RAD51B: variants seen among roughly 807,000 people sequenced by gnomAD.
RAD51B encodes the protein RAD51 paralog B.
RAD51B carries 38 observed loss-of-function variants against 42.2 expected under a neutral mutation model. That is an observed-to-expected ratio of 0.90 (90% confidence interval 0.70 to 1.18). RAD51B has a LOEUF of 1.18. Ranked by LOEUF, RAD51B falls within the 50% of genes most tolerant of loss-of-function variation. The probability of loss-of-function intolerance (pLI) is 0.00; values close to 1 mark genes in which losing one functional copy is unlikely to be tolerated. For missense variants in RAD51B, 373 were observed against 400.7 expected, an observed-to-expected ratio of 0.93 and a Z score of 0.59; for synonymous variants, 154 against 145.2, an observed-to-expected ratio of 1.06 and a Z score of -0.43.
chr14:68,661,307 G>A (rs1438623614), intron 11 of RAD51B, among the ~76,000 whole-genome samples: 1 of 152,206 alleles, frequency 6.6e-6, no homozygotes, highest in Non-Finnish European at 1.5e-5. Context: ...CAGAACAGGA[G>A]ACAGACCAGA....
At chr14:68,258,097 A>G (rs1328125236) in intron 7 of RAD51B, among the ~76,000 whole-genome samples, 1 of 152,134 alleles carries the variant, frequency 6.6e-6, no homozygotes, top group Non-Finnish European at 1.5e-5. Context: ...CAGAAACATA[A>G]GTGAGCTGTG....
At chr14:68,571,960 G>A (rs534301639) in intron 10 of RAD51B, among the ~76,000 whole-genome samples, 5 of 152,136 alleles carry the variant, frequency 3.3e-5, no homozygotes, top group Non-Finnish European at 7.4e-5. Context: ...AGTGGACATC[G>A]ATTTTATTTC....
intron 7 of RAD51B, among the ~76,000 whole-genome samples, chr14:67,940,042 ATATATATATATATTTTTTTTTTTTTTTT>A (rs1566969177): frequency 2.4e-4 from 3 of 12,380 alleles, no homozygotes; most frequent in Non-Finnish European, 6.8e-4. Flanking sequence ...ATATATATAT[ATATATATATATATTTTTTTTTTTTTTTT>A]TTTTTTTTTT....
At chr14:68,131,473 A>G (rs1314295597) in intron 7 of RAD51B, among the ~76,000 whole-genome samples, 1 of 152,174 alleles carries the variant, frequency 6.6e-6, no homozygotes, top group African/African-American at 2.4e-5. Context: ...AGGCAGGCTG[A>G]TCACCTGAGG....
rs28716846 is a variant in RAD51B at position 68,122,964 on chromosome 14, C to T, written c.757-168920C>T. 1.8e-4 allele frequency among the ~76,000 whole-genome samples: 28 copies of T among 151,616 alleles called. 1 individual carries two copies. Among genetic ancestry groups the T allele is most frequent in the Admixed American group, 1.2e-3 (19 of 15,238 alleles). On this transcript the variant is annotated intron_variant, in intron 7 of 10. Transcript: ENST00000471583. ...TGCTCTCCTTTGTATAAAACAAACA[C>T]ACACACACACACACACAGACACACA...
chr14:68,423,464 T>C (rs2084759340), intron 9 of RAD51B, among the ~76,000 whole-genome samples: 2 of 152,224 alleles, frequency 1.3e-5, no homozygotes, highest in Admixed American at 1.3e-4. Flanking sequence ...AGGTGGGTAT[T>C]ACTAGATATA....
chr14:67,950,356 T>C (rs8016525), intron 7 of RAD51B, among the ~76,000 whole-genome samples: 41,922 of 152,204 alleles, frequency 0.28, 7,544 homozygotes, highest in African/African-American at 0.51. Flanking sequence ...TGCACCTTTA[T>C]GGAATGGCTT....
intron 7 of RAD51B, among the ~76,000 whole-genome samples, chr14:68,111,586 A>T (rs1250157779): frequency 1.3e-5 from 2 of 152,080 alleles, no homozygotes; most frequent in Non-Finnish European, 2.9e-5. Context: ...AGAAGTAAAT[A>T]CAACACAACC....
chr14:68,640,998 C>T (rs1210450634), intron 10 of RAD51B, among the ~76,000 whole-genome samples: 1 of 152,110 alleles, frequency 6.6e-6, no homozygotes, highest in Non-Finnish European at 1.5e-5. Context: ...ATGGTCTTTA[C>T]CCTGTGGGCA....
chr14:68,542,500 G>A (rs1318137917), intron 10 of RAD51B, among the ~76,000 whole-genome samples: 2 of 152,258 alleles, frequency 1.3e-5, no homozygotes, highest in Non-Finnish European at 2.9e-5. Context: ...TGTGCAAATT[G>A]TAGTGATTCA....
At position 67,865,000 on chromosome 14, in the gene RAD51B, T is replaced by TA. The variant is rs2042288077; in HGVS notation, c.316-2dup. 1.7e-6 allele frequency: 2 copies of TA among 1,182,576 alleles called. No homozygotes were observed. The highest frequency in any genetic ancestry group is 2.4e-5 in the African/African-American group (1 of 40,962). The allele number at this position is 1,182,576 out of a possible 1,614,324, so 73.3% of individuals were successfully genotyped here. A position where few individuals can be genotyped will look rare whatever the true frequency, so the allele number is the denominator to read the frequency against. ...TTTTTTTTTTTTTTTTTTTTTTTTT[T>TA]AGATTACAGGTCCACCAGGTTGTGG... is the stretch of plus-strand genomic sequence containing the variant. On this transcript the variant is annotated splice_region_variant and splice_polypyrimidine_tract_variant and intron_variant, in intron 4 of 10. Coordinates refer to ENST00000471583, the MANE Select transcript of RAD51B (RefSeq NM_133510.4).
intron 4 of RAD51B, among the ~76,000 whole-genome samples, chr14:67,836,251 G>C (rs551237174): frequency 2.6e-5 from 4 of 152,164 alleles, no homozygotes; most frequent in Non-Finnish European, 4.4e-5. Context: ...AATGGGTGCT[G>C]GTGGTTGGCA....
chr14:68,679,246 A>G (rs929657339), intron 11 of RAD51B, among the ~76,000 whole-genome samples: 13 of 152,234 alleles, frequency 8.5e-5, no homozygotes, highest in African/African-American at 3.1e-4. Flanking sequence ...TATCCTCCCC[A>G]TTTTGTAAGT....
chr14:68,252,426 G>A (rs1307401153), intron 7 of RAD51B, among the ~76,000 whole-genome samples: 1 of 152,136 alleles, frequency 6.6e-6, no homozygotes, highest in Non-Finnish European at 1.5e-5. Context: ...ATATTCTGGA[G>A]ATTCAATACA....
Position 68,288,892 on chromosome 14 carries a change from AT to A in RAD51B, c.757-2984del, listed in dbSNP as rs969967746. 9.2e-5 allele frequency among the ~76,000 whole-genome samples: 14 copies of A among 152,164 alleles called. No individual in the cohort carries two copies. In the South Asian group the frequency reaches 2.1e-3, roughly 23 times the overall value. On this transcript the variant is annotated intron_variant, in intron 7 of 10. Transcript: ENST00000471583. Reference sequence around the variant, plus strand: ...CATTTAGATCTCTCAGAAGTTCCACATTTTTTTTAACTAAGATAGACAAATA... The same window carrying A: ...CATTTAGATCTCTCAGAAGTTCCACATTTTTTTAACTAAGATAGACAAATA...
chr14:68,115,064 T>C (rs890650290), intron 7 of RAD51B, among the ~76,000 whole-genome samples: 1 of 142,654 alleles, frequency 7.0e-6, no homozygotes, highest in Non-Finnish European at 1.5e-5. Flanking sequence ...CAAATGACTA[T>C]AACTCATGCT....
chr14:68,406,643 AT>A (rs2084283342), intron 8 of RAD51B, among the ~76,000 whole-genome samples: 2 of 152,212 alleles, frequency 1.3e-5, no homozygotes, highest in Admixed American at 1.3e-4. Flanking sequence ...CTTAGGCTAT[AT>A]TCATTGATAG....
At chr14:68,184,092 CAAAA>C (rs148664784) in intron 7 of RAD51B, among the ~76,000 whole-genome samples, 28 of 113,250 alleles carry the variant, frequency 2.5e-4, no homozygotes, top group Admixed American at 3.6e-4. Context: ...GACTCCATCT[CAAAA>C]AAAAAAAAAA....
chr14:68,565,100 C>T lies in RAD51B; in HGVS notation c.1037-29385C>T, dbSNP rs1566939341. Among the ~76,000 whole-genome samples, 2 of 152,136 alleles carry T rather than the reference C, an allele frequency of 1.3e-5. No individual in the cohort carries two copies. The highest frequency in any genetic ancestry group is 2.9e-5 in the Non-Finnish European group (2 of 67,954). ...CAGGAAAAATACACACACACACATACACACACACACACCCCACATGCACAC... is the reference window on the plus strand; with the variant it reads ...CAGGAAAAATACACACACACACATATACACACACACACCCCACATGCACAC... On this transcript the variant is annotated intron_variant, in intron 10 of 10. Coordinates refer to the RAD51B transcript ENST00000487270. This position sits in a 1 kb window ranked among gnomAD's most constrained non-coding sequence, Gnocchi z 4.1.
Sources: gnomAD v4.1 joint callset for allele counts (sites outside exome capture counted in the v4.1 genomes callset) on GRCh38, gnomAD v4.1.1 for gene constraint, Gnocchi (gnomAD v3.1) non-coding constraint, MANE v1.5 for transcripts, NCBI Gene and HGNC (gene_info 2026-07-23, HGNC 2026-07-21) for gene names.